CDH12: variants seen among roughly 807,000 people sequenced by gnomAD.
CDH12 encodes cadherin 12.
CDH12 carries 41 observed loss-of-function variants against 74.1 expected under a neutral mutation model. The observed-to-expected ratio is 0.55, with a 90% CI of 0.43 to 0.72. The LOEUF (loss-of-function observed/expected upper bound fraction) is 0.72, where lower values mean the gene tolerates loss of function less well. CDH12 is among the 30% of genes least tolerant of loss of function. The probability of loss-of-function intolerance (pLI) is 0.00; values close to 1 mark genes in which losing one functional copy is unlikely to be tolerated. For synonymous variants in CDH12, 399 were observed against 355.0 expected, an observed-to-expected ratio of 1.12 and a Z score of -1.39; for missense variants, 945 against 977.2, an observed-to-expected ratio of 0.97 and a Z score of 0.44.
At chr5:21,986,417 T>G (rs1757518358) in intron 5 of CDH12, among the ~76,000 whole-genome samples, 1 of 152,108 alleles carries the variant, frequency 6.6e-6, no homozygotes, top group Admixed American at 6.6e-5. Flanking sequence ...CCAATTATAA[T>G]CTCTCATTTC....
intron 3 of CDH12, among the ~76,000 whole-genome samples, chr5:22,366,578 C>T (rs1028945119): frequency 6.6e-6 from 1 of 152,098 alleles, no homozygotes; most frequent in Admixed American, 6.6e-5. Context: ...ATTAACCTCT[C>T]GTTTTGAGAC....
chr5:22,427,461 T>C (rs929097357), intron 2 of CDH12, among the ~76,000 whole-genome samples: 1 of 152,126 alleles, frequency 6.6e-6, no homozygotes, highest in African/African-American at 2.4e-5. Flanking sequence ...CCACTGCATC[T>C]GACCAAAAGG....
At chr5:22,086,408 G>C (rs943907402) in intron 4 of CDH12, among the ~76,000 whole-genome samples, 5 of 152,016 alleles carry the variant, frequency 3.3e-5, no homozygotes, top group African/African-American at 1.2e-4. Flanking sequence ...GCAGTGGCGT[G>C]ATCTCGTCTC....
chr5:21,916,529 G>A (rs7444975), intron 6 of CDH12, among the ~76,000 whole-genome samples: 111,001 of 150,690 alleles, frequency 0.74, 43,569 homozygotes, highest in East Asian at 0.93. Context: ...TTTCTTGGCA[G>A]ATTAGGCCTA....
At chr5:22,594,671 G>A (rs1369096739) in intron 1 of CDH12, among the ~76,000 whole-genome samples, 1 of 152,100 alleles carries the variant, frequency 6.6e-6, no homozygotes, top group African/African-American at 2.4e-5. Flanking sequence ...TAGCTGAAAT[G>A]AGCATTTTAA....
chr5:22,081,311 T>A (rs1265252025), intron 4 of CDH12, among the ~76,000 whole-genome samples: 1 of 152,174 alleles, frequency 6.6e-6, no homozygotes, highest in Non-Finnish European at 1.5e-5. Context: ...ATCTTTTGCA[T>A]CTATTTCAAT....
intron 3 of CDH12, among the ~76,000 whole-genome samples, chr5:22,343,582 T>C (rs1318260184): frequency 2.0e-5 from 3 of 152,072 alleles, no homozygotes; most frequent in Non-Finnish European, 4.4e-5. Context: ...CACGCCCAGC[T>C]AATTTTTTTG....
At position 22,191,566 on chromosome 5, in the gene CDH12, AT is replaced by A. The variant is rs869052527; in HGVS notation, c.-187+20931del. Among the ~76,000 whole-genome samples, 236 of 24,668 alleles carry A rather than the reference AT, an allele frequency of 9.6e-3. 3 individuals carry two copies. Among genetic ancestry groups the A allele is most frequent in the African/African-American group, 0.014 (222 of 15,798 alleles). The allele number at this position is 24,668 out of a possible 152,430, so 16.2% of individuals were successfully genotyped here. A position where few individuals can be genotyped will look rare whatever the true frequency, so the allele number is the denominator to read the frequency against. On this transcript the variant is annotated intron_variant, in intron 4 of 14. Coordinates refer to ENST00000382254, the MANE Select transcript of CDH12 (RefSeq NM_004061.5). ...ATACACCAATGGTCTTTTTATTTTT[AT>A]TTTTTTTTTTTTTTTGAGACGGAGT... is the stretch of plus-strand genomic sequence containing the variant.
chr5:22,813,906 TG>T (rs1749266678), intron 1 of CDH12, among the ~76,000 whole-genome samples: 1 of 152,194 alleles, frequency 6.6e-6, no homozygotes, highest in Non-Finnish European at 1.5e-5. Flanking sequence ...AGCTATGTCA[TG>T]CCCTGACTCC....
intron 1 of CDH12, among the ~76,000 whole-genome samples, chr5:22,586,060 A>C (rs1455946352): frequency 4.6e-5 from 7 of 152,302 alleles, no homozygotes; most frequent in Non-Finnish European, 8.8e-5. Flanking sequence ...TTGTGGCACT[A>C]TTCAGAATAG....
intron 5 of CDH12, among the ~76,000 whole-genome samples, chr5:21,982,628 T>C (rs1283202624): frequency 6.6e-6 from 1 of 151,474 alleles, no homozygotes; most frequent in East Asian, 1.9e-4. Context: ...TCTATATATC[T>C]ATAACTATAT....
intron 3 of CDH12, among the ~76,000 whole-genome samples, chr5:22,314,971 T>A (rs1738556820): frequency 1.9e-5 from 2 of 106,480 alleles, no homozygotes; most frequent in African/African-American, 7.4e-5. Flanking sequence ...TTTTTTTTTT[T>A]GAGATGGAGT....
chr5:22,314,081 G>A (rs1405379057), intron 3 of CDH12, among the ~76,000 whole-genome samples: 1 of 152,158 alleles, frequency 6.6e-6, no homozygotes, highest in Admixed American at 6.5e-5. Context: ...AAGAGATGAC[G>A]GTGGCTTTTC....
intron 4 of CDH12, among the ~76,000 whole-genome samples, chr5:22,083,686 C>T (rs747888693): frequency 1.8e-4 from 27 of 152,060 alleles, no homozygotes; most frequent in Non-Finnish European, 3.4e-4. Flanking sequence ...TGTTAAGTGA[C>T]TTGACCATGA....
intron 6 of CDH12, among the ~76,000 whole-genome samples, chr5:21,871,269 A>G (rs1751603414): frequency 6.6e-6 from 1 of 152,168 alleles, no homozygotes; most frequent in South Asian, 2.1e-4. Flanking sequence ...TAACCATTAA[A>G]CAATTGTGTG....
chr5:22,445,167 A>ATG, intron 2 of CDH12, among the ~76,000 whole-genome samples: 1 of 152,210 alleles, frequency 6.6e-6, no homozygotes, highest in East Asian at 1.9e-4. Flanking sequence ...AATGAAACCA[A>ATG]TTTATAGGAA....
intron 1 of CDH12, among the ~76,000 whole-genome samples, chr5:22,638,517 T>C (rs1350756568): frequency 1.3e-5 from 2 of 152,148 alleles, no homozygotes; most frequent in South Asian, 2.1e-4. Context: ...AAGCTGATTA[T>C]ATGGTGCCCA....
chr5:21,754,555 A>G (rs1031762317), intron 14 of CDH12, among the ~76,000 whole-genome samples: 2 of 152,200 alleles, frequency 1.3e-5, no homozygotes, highest in African/African-American at 4.8e-5. Context: ...ACACCATGCC[A>G]ATTGGACTAG....
intron 3 of CDH12, among the ~76,000 whole-genome samples, chr5:22,219,835 T>C (rs935035670): frequency 1.4e-4 from 21 of 151,644 alleles, no homozygotes; most frequent in Non-Finnish European, 4.4e-5. Flanking sequence ...ATGAAATGAA[T>C]TAGTGCAGAT....
Sources: gnomAD v4.1 joint callset for allele counts (sites outside exome capture counted in the v4.1 genomes callset) on GRCh38, gnomAD v4.1.1 for gene constraint, MANE v1.5 for transcripts, NCBI Gene and HGNC (gene_info 2026-07-23, HGNC 2026-07-21) for gene names.